HPSE2: variants seen among roughly 807,000 people sequenced by gnomAD.
HPSE2 encodes heparanase 2 (inactive), also known as inactive heparanase-2.
In HPSE2, 38 loss-of-function variants were observed where a neutral mutation model predicts 60.5. The observed-to-expected ratio is 0.63, with a 90% CI of 0.48 to 0.82. HPSE2 has a LOEUF of 0.82. HPSE2 is among the 40% of genes least tolerant of loss of function. The pLI, the probability that HPSE2 is intolerant of heterozygous loss-of-function variation, is 0.00. For synonymous variants in HPSE2, 295 were observed against 293.2 expected, an observed-to-expected ratio of 1.01 and a Z score of -0.06; for missense variants, 713 against 740.4, an observed-to-expected ratio of 0.96 and a Z score of 0.43.
At chr10:98,913,308 A>C (rs905426400) in intron 3 of HPSE2, among the ~76,000 whole-genome samples, 7 of 152,216 alleles carry the variant, frequency 4.6e-5, no homozygotes, top group Admixed American at 3.3e-4. Flanking sequence ...GGAGATGATT[A>C]AAGTCACTGT....
intron 3 of HPSE2, among the ~76,000 whole-genome samples, chr10:99,003,889 C>T (rs565249245): frequency 3.3e-5 from 5 of 151,818 alleles, no homozygotes; most frequent in African/African-American, 9.7e-5. Flanking sequence ...GCAATTTATC[C>T]CTAGATTTTC....
chr10:98,894,010 T>C (rs994257056), intron 3 of HPSE2, among the ~76,000 whole-genome samples: 11 of 151,466 alleles, frequency 7.3e-5, no homozygotes, highest in Non-Finnish European at 5.9e-5. Context: ...GGAAAGAAAA[T>C]AACTATTTTC....
chr10:99,313,446 T>C, the HPSE2 span, among the ~76,000 whole-genome samples: 2 of 152,134 alleles, frequency 1.3e-5, no homozygotes, highest in African/African-American at 2.4e-5. Context: ...TTGCTTCTAA[T>C]GGATAAGCAA....
At chr10:99,214,341 T>C (rs781496641) in intron 2 of HPSE2, among the ~76,000 whole-genome samples, 8 of 152,222 alleles carry the variant, frequency 5.3e-5, no homozygotes, top group Non-Finnish European at 1.5e-5. Flanking sequence ...CCAGCATATA[T>C]TCCTACTCCT....
At chr10:98,729,453 C>T (rs1949174143) in intron 4 of HPSE2, among the ~76,000 whole-genome samples, 1 of 151,776 alleles carries the variant, frequency 6.6e-6, no homozygotes, top group African/African-American at 2.4e-5. Context: ...GCTAAAAACA[C>T]AAAAAATTAG....
chr10:99,116,891 AC>A (rs924022817), intron 3 of HPSE2, among the ~76,000 whole-genome samples: 134 of 152,070 alleles, frequency 8.8e-4, no homozygotes, highest in African/African-American at 3.1e-3. Context: ...AAAGTACAAT[AC>A]CCCCAAATAT....
At chr10:98,609,259 C>T (rs1007796107) in intron 9 of HPSE2, among the ~76,000 whole-genome samples, 4 of 152,168 alleles carry the variant, frequency 2.6e-5, no homozygotes, top group African/African-American at 9.7e-5. Flanking sequence ...TGTCTATCTC[C>T]CTATCTCTAC....
chr10:98,868,601 TC>T (rs1952653315), intron 3 of HPSE2, among the ~76,000 whole-genome samples: 1 of 152,100 alleles, frequency 6.6e-6, no homozygotes, highest in Non-Finnish European at 1.5e-5. Context: ...TACCAAAATA[TC>T]TCATGTACCC....
At chr10:99,042,633 G>A (rs964812410) in intron 3 of HPSE2, among the ~76,000 whole-genome samples, 1 of 151,888 alleles carries the variant, frequency 6.6e-6, no homozygotes, top group African/African-American at 2.4e-5. Context: ...GACTGCCGTG[G>A]GAGCAGTGCA....
intron 7 of HPSE2, among the ~76,000 whole-genome samples, chr10:98,621,208 T>C (rs1946065171): frequency 6.6e-6 from 1 of 152,098 alleles, no homozygotes; most frequent in Admixed American, 6.6e-5. Context: ...TCCAGGTATA[T>C]TGTAATCACA....
At chr10:99,087,125 T>C (rs566447805) in intron 3 of HPSE2, among the ~76,000 whole-genome samples, 1 of 152,368 alleles carries the variant, frequency 6.6e-6, no homozygotes, top group South Asian at 2.1e-4. Context: ...AGGCAACAAA[T>C]GAAAACTTCA....
In HPSE2 at chr10:98,938,474, G is replaced by A. The variant is rs187364718; in HGVS notation, c.611-194418C>T. On this transcript the variant is annotated intron_variant, in intron 3 of 11. Coordinates refer to ENST00000370552, the MANE Select transcript of HPSE2 (RefSeq NM_021828.5). The stretch of plus-strand genomic sequence containing the variant: ...CCTCAGGAGCCAATGTGATCAACTG[G>A]AAGAAAGGTTATCAGTGATGGAAGA... Among the ~76,000 whole-genome samples, 501 of 144,332 alleles carry A rather than the reference G, an allele frequency of 3.5e-3. 48 individuals carry two copies. Among genetic ancestry groups the A allele is most frequent in the Admixed American group, 6.5e-3 (94 of 14,524 alleles). 94.7% of individuals were successfully genotyped at this position (144,332 alleles called of 152,430 possible). A position where few individuals can be genotyped will look rare whatever the true frequency, so the allele number is the denominator to read the frequency against.
chr10:98,721,453 C>T (rs1948920411), intron 5 of HPSE2, among the ~76,000 whole-genome samples: 6 of 152,048 alleles, frequency 3.9e-5, no homozygotes. Flanking sequence ...TCCCACCACC[C>T]CCTGTTGACT....
intron 3 of HPSE2, among the ~76,000 whole-genome samples, chr10:98,752,659 C>T (rs1003784506): frequency 2.6e-5 from 4 of 152,076 alleles, no homozygotes; most frequent in African/African-American, 9.7e-5. Flanking sequence ...GATAAAAGGA[C>T]ATCAGTATTA....
At chr10:98,544,827 A>G (rs898101004) in intron 9 of HPSE2, among the ~76,000 whole-genome samples, 4 of 152,088 alleles carry the variant, frequency 2.6e-5, no homozygotes, top group Non-Finnish European at 4.4e-5. Context: ...AAGGAAATAG[A>G]GACACAAAAA....
chr10:98,887,548 C>T (rs1031778040), intron 3 of HPSE2, among the ~76,000 whole-genome samples: 2 of 152,066 alleles, frequency 1.3e-5, no homozygotes, highest in South Asian at 2.1e-4. Context: ...ACAGAACATC[C>T]GAGGTGTAGG....
intron 3 of HPSE2, among the ~76,000 whole-genome samples, chr10:98,798,939 A>G (rs980562738): frequency 1.2e-4 from 18 of 152,162 alleles, no homozygotes; most frequent in African/African-American, 4.3e-4. Context: ...CTACTTATCA[A>G]TGATAACATT....
chr10:98,764,549 T>C (rs978620248), intron 3 of HPSE2, among the ~76,000 whole-genome samples: 1 of 152,098 alleles, frequency 6.6e-6, no homozygotes, highest in African/African-American at 2.4e-5. Flanking sequence ...TATAATTATA[T>C]AAATAGGTTA....
At chr10:98,480,015 G>A (rs1941171603) in intron 11 of HPSE2, among the ~76,000 whole-genome samples, 1 of 151,944 alleles carries the variant, frequency 6.6e-6, no homozygotes, top group Non-Finnish European at 1.5e-5. Context: ...ATTATTATTT[G>A]AGCTCAGTGG....
Sources: gnomAD v4.1 joint callset for allele counts (sites outside exome capture counted in the v4.1 genomes callset) on GRCh38, gnomAD v4.1.1 for gene constraint, MANE v1.5 for transcripts, NCBI Gene and HGNC (gene_info 2026-07-23, HGNC 2026-07-21) for gene names.